Variants in GALM observed in about 807,000 individuals in gnomAD.
GALM encodes galactose mutarotase, also known as aldose 1-epimerase.
A neutral mutation model predicts 37.4 loss-of-function variants in GALM; 43 were observed. That is an observed-to-expected ratio of 1.15 (90% confidence interval 0.90 to 1.48). The LOEUF is 1.48. Ranked by LOEUF, GALM falls within the 40% of genes most tolerant of loss-of-function variation. The pLI is 0.00. For missense variants in GALM, 456 were observed against 419.1 expected, an observed-to-expected ratio of 1.09 and a Z score of -0.77; for synonymous variants, 199 against 170.6, an observed-to-expected ratio of 1.17 and a Z score of -1.30.
At chr2:38,669,241 G>A (rs909075855) in intron 1 of GALM, 2 of 152,204 alleles carry the variant, frequency 1.3e-5, no homozygotes, top group African/African-American at 4.8e-5. Context: ...GTTAAAGATC[G>A]ACCCCTGACC....
At chr2:38,728,935 G>C (rs1037186358) in intron 4 of GALM, among the ~76,000 whole-genome samples, 11 of 152,104 alleles carry the variant, frequency 7.2e-5, no homozygotes, top group Admixed American at 4.6e-4. Context: ...TTCCACCTGC[G>C]CTGCTCAGAA....
At chr2:38,710,966 C>T (rs1404057246) in intron 4 of GALM, among the ~76,000 whole-genome samples, 1 of 151,814 alleles carries the variant, frequency 6.6e-6, no homozygotes, top group African/African-American at 2.4e-5. Flanking sequence ...CTTGACCAGG[C>T]TGGTCTTGAA....
At chr2:38,731,979 C>A in intron 6 of GALM, 70 bp downstream of exon 6, 2 of 1,220,188 alleles carry the variant, frequency 1.6e-6, no homozygotes, top group Non-Finnish European at 2.4e-6. Flanking sequence ...GAGTTCACTA[C>A]ACTCGAATCA....
At chr2:38,728,629 G>C (rs1666534426) in intron 4 of GALM, among the ~76,000 whole-genome samples, 2 of 152,206 alleles carry the variant, frequency 1.3e-5, no homozygotes, top group Admixed American at 1.3e-4. Flanking sequence ...AGGTTGCACT[G>C]AGCTGAGATC....
chr2:38,718,179 ATTTC>A (rs1666306624), intron 4 of GALM, among the ~76,000 whole-genome samples: 1 of 141,748 alleles, frequency 7.1e-6, no homozygotes, highest in Non-Finnish European at 1.5e-5. Context: ...TTGTACAAGT[ATTTC>A]TTTTTTTCTT....
At chr2:38,727,451 G>A (rs181293546) in intron 4 of GALM, among the ~76,000 whole-genome samples, 2 of 151,920 alleles carry the variant, frequency 1.3e-5, no homozygotes, top group Non-Finnish European at 2.9e-5. Context: ...AAATGGGGCC[G>A]GGTGCAGTGG....
In GALM at chr2:38,686,220, A is replaced by ATTTCTTTCTTTCTTTCTTTC. The variant is rs200050911; in HGVS notation, c.553-3554_553-3535dup. ...AAAAAAAAAACCACAGAAAGTGGAA[A>ATTTCTTTCTTTCTTTCTTTC]TTTCTTTCTTTCTTTCTTTCTTTCT... On this transcript the variant is annotated intron_variant, in intron 3 of 6. Transcript: ENST00000272252. 1.9e-4 allele frequency among the ~76,000 whole-genome samples: 18 copies of ATTTCTTTCTTTCTTTCTTTC among 93,620 alleles called. 1 individual carries two copies. The highest frequency in any genetic ancestry group is 6.7e-4 in the African/African-American group (15 of 22,364). 61.4% of individuals were successfully genotyped at this position (93,620 alleles called of 152,430 possible).
At position 38,669,895 on chromosome 2, in the gene GALM, C is replaced by CT. The variant is rs35676843; in HGVS notation, c.190+3561dup. On this transcript the variant is annotated intron_variant, in intron 1 of 6. Transcript: ENST00000272252. ...TCAAAAGAAGAAAAAAAAAGTTTTT[C>CT]TTTTTTTTTTTTTTTTTAGTGCAGT... is the stretch of plus-strand genomic sequence containing the variant. Among the ~76,000 whole-genome samples, 1,292 of 135,174 alleles carry CT rather than the reference C, an allele frequency of 9.6e-3. 13 individuals carry two copies. Among genetic ancestry groups the CT allele is most frequent in the African/African-American group, 0.017 (647 of 38,102 alleles). 88.7% of individuals were successfully genotyped at this position (135,174 alleles called of 152,430 possible).
At chr2:38,699,145 T>A (rs565888010) in intron 4 of GALM, among the ~76,000 whole-genome samples, 3 of 146,612 alleles carry the variant, frequency 2.0e-5, no homozygotes, top group African/African-American at 7.6e-5. Context: ...AACTCCTAAC[T>A]TTAGGTGATC....
chr2:38,705,943 G>A (rs1666028987), intron 4 of GALM, among the ~76,000 whole-genome samples: 1 of 152,014 alleles, frequency 6.6e-6, no homozygotes, highest in Non-Finnish European at 1.5e-5. Context: ...CCCGCTCTGG[G>A]TTCAAGCTAT....
intron 1 of GALM, among the ~76,000 whole-genome samples, chr2:38,667,542 C>T (rs926682976): frequency 4.3e-4 from 66 of 152,108 alleles, no homozygotes; most frequent in African/African-American, 1.5e-3. Context: ...TGCACTCCAG[C>T]GTGGGTGGCA....
intron 2 of GALM, among the ~76,000 whole-genome samples, chr2:38,676,495 G>C (rs1665263548): frequency 6.6e-6 from 1 of 152,210 alleles, no homozygotes; most frequent in African/African-American, 2.4e-5. Flanking sequence ...AGGCACAGTG[G>C]CTCACGCCTG....
chr2:38,695,530 C>A (rs1023698294), intron 4 of GALM, among the ~76,000 whole-genome samples: 2 of 152,156 alleles, frequency 1.3e-5, no homozygotes, highest in Non-Finnish European at 1.5e-5. Context: ...TGCTGAAACC[C>A]TCAGAAATCA....
intron 2 of GALM, 90 bp downstream of exon 2, chr2:38,676,156 A>G (rs886207216): frequency 5.3e-6 from 7 of 1,320,860 alleles, no homozygotes; most frequent in Non-Finnish European, 7.5e-6. Flanking sequence ...CCTAGAGCAC[A>G]TGAGTGGTGA....
At chr2:38,692,891 T>A (rs1366040003) in intron 4 of GALM, among the ~76,000 whole-genome samples, 1 of 152,068 alleles carries the variant, frequency 6.6e-6, no homozygotes, top group African/African-American at 2.4e-5. Context: ...GTGCAAGAAA[T>A]AGCAGGACTA....
chr2:38,693,822 T>A (rs1436060383), intron 4 of GALM, among the ~76,000 whole-genome samples: 1 of 152,120 alleles, frequency 6.6e-6, no homozygotes, highest in Non-Finnish European at 1.5e-5. Flanking sequence ...CACACCAAGG[T>A]AGTCTGGTAT....
intron 3 of GALM, among the ~76,000 whole-genome samples, chr2:38,683,962 G>T (rs566645948): frequency 4.5e-4 from 68 of 152,276 alleles, no homozygotes; most frequent in South Asian, 1.2e-3. Flanking sequence ...GAAGGTGGAT[G>T]GGGGCACCAG....
At chr2:38,699,025 T>C (rs1413241297) in intron 4 of GALM, among the ~76,000 whole-genome samples, 1 of 152,226 alleles carries the variant, frequency 6.6e-6, no homozygotes, top group Non-Finnish European at 1.5e-5. Context: ...GCAATTCTCC[T>C]GCCTCAGCCT....
At chr2:38,686,499 C>A (rs1440212861) in intron 3 of GALM, among the ~76,000 whole-genome samples, 1 of 151,586 alleles carries the variant, frequency 6.6e-6, no homozygotes, top group South Asian at 2.1e-4. Flanking sequence ...CTCCTGACCT[C>A]GTGATCCACC....
Sources: gnomAD v4.1 joint callset for allele counts (sites outside exome capture counted in the v4.1 genomes callset) on GRCh38, gnomAD v4.1.1 for gene constraint, MANE v1.5 for transcripts, NCBI Gene and HGNC (gene_info 2026-07-23, HGNC 2026-07-21) for gene names.